The following ZCWPW1 variants were observed in gnomAD, a reference collection of about 807,000 sequenced individuals.
The protein encoded by ZCWPW1 is zinc finger CW-type PWWP domain protein 1.
In ZCWPW1, 56 loss-of-function variants were observed where a neutral mutation model predicts 81.3. The observed-to-expected ratio is 0.69, with a 90% confidence interval of 0.56 to 0.86. The LOEUF is 0.86. Among genes scored for constraint, ZCWPW1 ranks in the 40% least tolerant of loss-of-function variants. The probability of loss-of-function intolerance (pLI) is 0.00; values close to 1 mark genes in which losing one functional copy is unlikely to be tolerated. For missense variants in ZCWPW1, 650 were observed against 769.8 expected (o/e 0.84, Z 1.84); for synonymous variants, 250 against 273.7 (o/e 0.91, Z 0.86).
Position 100,402,510 on chromosome 7 carries a change from G to C in ZCWPW1, c.1474+6C>G. 6.2e-7 allele frequency: 1 copy of C among 1,614,012 alleles called. No individual in the cohort carries two copies. The highest frequency in any genetic ancestry group is 8.5e-7 in the Non-Finnish European group (1 of 1,179,962). ...GTTGTGCTCCATTTCCAGCTGGCCT[G>C]CTTACCTCTTGGCTTGGTTTTTTGG... On this transcript the variant is annotated splice_donor_region_variant and intron_variant, in intron 16 of 17. Coordinates refer to ENST00000684423, the MANE Select transcript of ZCWPW1 (RefSeq NM_001386010.1).
chr7:100,426,758 C>A (rs1168451934), intron 1 of ZCWPW1, among the ~76,000 whole-genome samples: 1 of 125,364 alleles, frequency 8.0e-6, no homozygotes, highest in African/African-American at 3.1e-5. Context: ...TCTCTCCCTC[C>A]CCCTCCTTCC....
intron 8 of ZCWPW1, among the ~76,000 whole-genome samples, chr7:100,411,158 G>C (rs1481955879): frequency 6.6e-6 from 1 of 152,122 alleles, no homozygotes; most frequent in Non-Finnish European, 1.5e-5. Context: ...TTAAATACCT[G>C]ATCATAAAGG....
intron 17 of ZCWPW1, 37 bp from the exon 18 acceptor site, chr7:100,401,373 G>A: frequency 6.7e-7 from 1 of 1,496,452 alleles, no homozygotes; most frequent in East Asian, 2.3e-5. Flanking sequence ...AGTCCTATTA[G>A]GTCAGCCTGT....
chr7:100,417,317 A>T, intron 5 of ZCWPW1, 134 bp from the exon 6 acceptor site: 1 of 606,456 alleles, frequency 1.6e-6, no homozygotes. Context: ...AGAACTTTAA[A>T]TATTTAAATT....
In ZCWPW1 at chr7:100,422,679, A is replaced by T. The variant is rs565243956; in HGVS notation, c.-29-2001T>A. On this transcript the variant is annotated intron_variant, in intron 2 of 17. Coordinates refer to ENST00000684423, the MANE Select transcript of ZCWPW1 (RefSeq NM_001386010.1). ...TAGTGTACAGATAATTTTGTTTCACAGGTAGTGAGTATAGTACCCAATAGG... is the reference window on the plus strand; with the variant it reads ...TAGTGTACAGATAATTTTGTTTCACTGGTAGTGAGTATAGTACCCAATAGG... Among the ~76,000 whole-genome samples the T allele has an allele frequency of 1.9e-3, 293 of 152,318 alleles. 1 individual carries two copies. Among genetic ancestry groups the T allele is most frequent in the Middle Eastern group, 3.4e-3 (1 of 294 alleles).
chr7:100,402,234 ATCT>A (rs1411941252), intron 16 of ZCWPW1, 193 bp from the exon 17 acceptor site: 3 of 803,072 alleles, frequency 3.7e-6, no homozygotes, highest in Non-Finnish European at 6.1e-6. Flanking sequence ...TATCCCCTGG[ATCT>A]TCTTCTCTTT....
intron 5 of ZCWPW1, among the ~76,000 whole-genome samples, chr7:100,417,838 T>C (rs1294129411): frequency 6.6e-6 from 1 of 152,166 alleles, no homozygotes; most frequent in African/African-American, 2.4e-5. Flanking sequence ...CATGAACTTA[T>C]GGAAAAGCCT....
chr7:100,406,314 G>C (rs1792998130), intron 12 of ZCWPW1, among the ~76,000 whole-genome samples: 1 of 152,118 alleles, frequency 6.6e-6, no homozygotes, highest in African/African-American at 2.4e-5. Context: ...TGGGGATGTT[G>C]CTAAACATCC....
chr7:100,416,230 G>A (rs1795187016), intron 7 of ZCWPW1, 75 bp downstream of exon 7: 1 of 1,592,308 alleles, frequency 6.3e-7, no homozygotes, highest in Non-Finnish European at 8.5e-7. Flanking sequence ...TTCTCAGCCT[G>A]CCCATGGTCC....
intron 8 of ZCWPW1, among the ~76,000 whole-genome samples, chr7:100,411,425 C>T (rs1794140022): frequency 6.6e-6 from 1 of 152,082 alleles, no homozygotes; most frequent in Admixed American, 6.5e-5. Flanking sequence ...CACCACCACA[C>T]CCAGAAAATT....
intron 1 of ZCWPW1, among the ~76,000 whole-genome samples, chr7:100,425,423 G>A (rs1369485357): frequency 6.6e-6 from 1 of 152,086 alleles, no homozygotes; most frequent in Non-Finnish European, 1.5e-5. Flanking sequence ...GGTAAATAAG[G>A]AGGGAAAAAG....
chr7:100,405,632 T>C (rs2130445390), intron 12 of ZCWPW1, among the ~76,000 whole-genome samples: 1 of 152,182 alleles, frequency 6.6e-6, no homozygotes, highest in Non-Finnish European at 1.5e-5. Context: ...AATTCCTAAC[T>C]AGGTATATGT....
chr7:100,427,389 C>T (rs1174087325), intron 1 of ZCWPW1, among the ~76,000 whole-genome samples: 2 of 151,232 alleles, frequency 1.3e-5, no homozygotes, highest in East Asian at 4.0e-4. Context: ...ACGGTGAAAC[C>T]CCGTCTCTAC....
intron 12 of ZCWPW1, 84 bp from the exon 13 acceptor site, chr7:100,405,177 C>G: frequency 7.3e-7 from 1 of 1,361,828 alleles, no homozygotes; most frequent in Non-Finnish European, 1.0e-6. Context: ...CACCTGTAAT[C>G]CCAGCACTTT....
At chr7:100,419,310 A>T in intron 4 of ZCWPW1, 121 bp from the exon 5 acceptor site, 2 of 831,338 alleles carry the variant, frequency 2.4e-6, no homozygotes, top group Non-Finnish European at 3.7e-6. Flanking sequence ...GCATGCAGTC[A>T]GCATACCTAA....
At chr7:100,417,954 G>A (rs757153926) in intron 5 of ZCWPW1, among the ~76,000 whole-genome samples, 142 of 151,472 alleles carry the variant, frequency 9.4e-4, no homozygotes, top group African/African-American at 3.1e-3. Context: ...GCGAAATCTC[G>A]GCTCACTGCA....
chr7:100,405,587 A>G (rs1198553952), intron 12 of ZCWPW1, among the ~76,000 whole-genome samples: 1 of 152,188 alleles, frequency 6.6e-6, no homozygotes, highest in African/African-American at 2.4e-5. Context: ...GGGATCGGAC[A>G]TAACACCCCC....
intron 2 of ZCWPW1, among the ~76,000 whole-genome samples, chr7:100,421,888 C>A (rs561647529): frequency 6.6e-6 from 1 of 152,270 alleles, no homozygotes; most frequent in African/African-American, 2.4e-5. Context: ...GACGGAGTTT[C>A]TCCATATTGG....
intron 7 of ZCWPW1, 40 bp from the exon 8 acceptor site, chr7:100,416,137 A>T: frequency 2.5e-6 from 4 of 1,611,064 alleles, no homozygotes; most frequent in Non-Finnish European, 3.4e-6. Context: ...GGAGATGAAG[A>T]AGACAATCTT....
Sources: allele counts gnomAD v4.1 joint callset (sites outside exome capture counted in the v4.1 genomes callset), GRCh38; gene constraint gnomAD v4.1.1; transcripts MANE v1.5; gene names NCBI Gene and HGNC (gene_info 2026-07-23, HGNC 2026-07-21).